The following USP13 variants were observed in gnomAD, a reference collection of about 807,000 sequenced individuals.
The protein encoded by USP13 is ubiquitin carboxyl-terminal hydrolase 13.
Under a neutral mutation model 107.8 loss-of-function variants are expected in USP13, and 68 were observed. That is an observed-to-expected ratio of 0.63 (90% confidence interval 0.52 to 0.77). The LOEUF (loss-of-function observed/expected upper bound fraction) is 0.77. Among genes scored for constraint, USP13 ranks in the 30% least tolerant of loss-of-function variants. The pLI is 0.00. For missense variants in USP13, 945 were observed against 1,093.3 expected (o/e 0.86, Z 1.91); for synonymous variants, 377 against 389.5 (o/e 0.97, Z 0.38).
Position 179,708,813 on chromosome 3 carries a change from T to A in USP13, c.661T>A (p.Trp221Arg), listed in dbSNP as rs373424435. The change falls in exon 6 of 21, where the codon TGG (tryptophan) becomes AGG (arginine). Residue 221 changes from tryptophan (W) to arginine (R), a missense_variant. Transcript: ENST00000263966. ...CAGATGCGACCTGCGAGAAAACCTC[T>A]GGTTGAATCTGACTGACGGCTCTGT... ...CARCDLRENL[W>R]LNLTDGSVLC... 3 of 1,614,006 alleles carry A rather than the reference T, an allele frequency of 1.9e-6. No individual in the cohort carries two copies. The African/African-American group carries it at 4.0e-5, about 22-fold the overall frequency.
chr3:179,716,513 T>C (rs1713117836), intron 6 of USP13, among the ~76,000 whole-genome samples: 1 of 152,226 alleles, frequency 6.6e-6, no homozygotes. Context: ...TTAGTTAATA[T>C]TTGCTGAATA....
At chr3:179,657,851 A>G (rs1720323835) in intron 1 of USP13, among the ~76,000 whole-genome samples, 1 of 151,462 alleles carries the variant, frequency 6.6e-6, no homozygotes, top group Non-Finnish European at 1.5e-5. Flanking sequence ...TTGTGTAGGA[A>G]GTTTTGTGTG....
At chr3:179,658,025 G>A (rs896023972) in intron 1 of USP13, among the ~76,000 whole-genome samples, 2 of 152,062 alleles carry the variant, frequency 1.3e-5, no homozygotes, top group East Asian at 3.9e-4. Context: ...CCAGTGAGGC[G>A]AGTCTCTGGC....
chr3:179,734,919 G>A (rs953301684), intron 10 of USP13, among the ~76,000 whole-genome samples: 1 of 152,108 alleles, frequency 6.6e-6, no homozygotes, highest in Non-Finnish European at 1.5e-5. Flanking sequence ...TAAAGCATTC[G>A]GCTCAGGGGA....
chr3:179,682,093 C>T (rs1711680697), intron 2 of USP13, 90 bp downstream of exon 2: 6 of 1,471,260 alleles, frequency 4.1e-6, no homozygotes, highest in Non-Finnish European at 5.5e-6. Flanking sequence ...TTGACCATGC[C>T]CACATAACTT....
intron 12 of USP13, among the ~76,000 whole-genome samples, chr3:179,744,008 C>T (rs954065768): frequency 6.8e-6 from 1 of 146,548 alleles, no homozygotes; most frequent in African/African-American, 2.5e-5. Flanking sequence ...TGACTACAGG[C>T]TAGTTTCCAG....
intron 17 of USP13, 47 bp from the exon 18 acceptor site, chr3:179,763,955 A>G: frequency 7.4e-7 from 1 of 1,357,280 alleles, no homozygotes; most frequent in African/African-American, 1.5e-5. Context: ...CAGGACAAAA[A>G]AAAAAAAAAA....
At chr3:179,744,127 T>C (rs1405502548) in intron 12 of USP13, among the ~76,000 whole-genome samples, 4 of 152,026 alleles carry the variant, frequency 2.6e-5, no homozygotes, top group Admixed American at 1.3e-4. Flanking sequence ...ATGTCTGAGG[T>C]GTTGGGTAAC....
Position 179,701,090 on chromosome 3 carries a change from T to A in USP13, c.438T>A (p.Tyr146Ter). 6.2e-7 allele frequency: 1 copy of A among 1,614,034 alleles called. No homozygotes were observed. The highest frequency in any genetic ancestry group is 1.1e-5 in the South Asian group (1 of 91,070). ...AACTTGTTATATTCCCAGATCACTA[T>A]GAAATAGCACTACCAAATATTGAGG... ...EAKLVIFPDH[Y>*]EIALPNIEEL... Residue 146 changes from tyrosine (Y) to a stop codon, truncating the protein, a stop_gained, in exon 4 of 21, where the codon TAT (tyrosine) becomes TAA (stop). Coordinates refer to ENST00000263966, the MANE Select transcript of USP13 (RefSeq NM_003940.3). LOFTEE classifies it high-confidence loss of function.
chr3:179,765,096 A>G (rs898572755), intron 18 of USP13, among the ~76,000 whole-genome samples: 3 of 152,234 alleles, frequency 2.0e-5, no homozygotes, highest in African/African-American at 7.2e-5. Flanking sequence ...AGATGGAAAT[A>G]TTTTTATGGT....
At chr3:179,747,506 G>T (rs1317838020) in intron 13 of USP13, among the ~76,000 whole-genome samples, 1 of 152,186 alleles carries the variant, frequency 6.6e-6, no homozygotes, top group Non-Finnish European at 1.5e-5. Flanking sequence ...GGGGCCTGGT[G>T]TCTTAGAAGT....
intron 2 of USP13, among the ~76,000 whole-genome samples, chr3:179,687,384 G>A (rs978311383): frequency 2.0e-5 from 3 of 151,810 alleles, no homozygotes; most frequent in Non-Finnish European, 2.9e-5. Flanking sequence ...TGCTGGCCAG[G>A]TGCGGTGGCT....
intron 2 of USP13, among the ~76,000 whole-genome samples, chr3:179,688,095 A>G (rs74665430): frequency 7.1e-4 from 99 of 139,022 alleles, no homozygotes; most frequent in African/African-American, 2.9e-3. Context: ...CCATCCATCC[A>G]TCCGTCCATC....
intron 19 of USP13, among the ~76,000 whole-genome samples, chr3:179,771,006 A>G (rs9871083): frequency 0.15 from 22,784 of 152,194 alleles, 2,342 homozygotes; most frequent in African/African-American, 0.29. Context: ...TTAAGTGGCA[A>G]GAAGTCCAAG....
At chr3:179,690,584 AT>A (rs1316980585) in intron 3 of USP13, among the ~76,000 whole-genome samples, 1 of 151,972 alleles carries the variant, frequency 6.6e-6, no homozygotes, top group East Asian at 1.9e-4. Context: ...CTTTATTTTT[AT>A]TTTTTGAGAC....
chr3:179,745,168 G>A lies in USP13; in HGVS notation c.1660G>A (p.Val554Ile), dbSNP rs369543896. 3.1e-6 allele frequency: 5 copies of A among 1,612,198 alleles called. No homozygotes were observed. In the African/African-American group the frequency reaches 5.4e-5, roughly 17 times the overall value. The change falls in exon 13 of 21, where the codon GTT becomes ATT. Residue 554 changes from valine (V) to isoleucine (I), a missense_variant. Coordinates refer to ENST00000263966, the MANE Select transcript of USP13 (RefSeq NM_003940.3). ...TCAGGCCTTCTCTGAACCAGAAAAT[G>A]TTGATGATTTCTGGAGCAGTGCCCT... The part of the protein sequence containing the change: ...CLQAFSEPEN[V>I]DDFWSSALQA...
At chr3:179,746,262 A>G (rs1188360279) in intron 13 of USP13, among the ~76,000 whole-genome samples, 1 of 147,166 alleles carries the variant, frequency 6.8e-6, no homozygotes, top group Non-Finnish European at 1.5e-5. Flanking sequence ...TAAGTATTAT[A>G]TATATTTTTT....
At chr3:179,693,513 T>G (rs1712181054) in intron 3 of USP13, among the ~76,000 whole-genome samples, 1 of 152,086 alleles carries the variant, frequency 6.6e-6, no homozygotes. Context: ...CCCCCTCAAC[T>G]GATGCTTCTC....
intron 1 of USP13, among the ~76,000 whole-genome samples, chr3:179,659,444 G>A (rs541171306): frequency 6.6e-6 from 1 of 152,316 alleles, no homozygotes; most frequent in East Asian, 1.9e-4. Context: ...TGTTTCAGAA[G>A]ATCTGGGGGT....
Sources: allele counts gnomAD v4.1 joint callset (sites outside exome capture counted in the v4.1 genomes callset), GRCh38; gene constraint gnomAD v4.1.1; transcripts MANE v1.5; gene names NCBI Gene and HGNC (gene_info 2026-07-23, HGNC 2026-07-21).